LHFPL6: variants seen among roughly 807,000 people sequenced by gnomAD.
LHFPL6 encodes LHFPL tetraspan subfamily member 6.
In LHFPL6, 9 loss-of-function variants were observed where a neutral mutation model predicts 20.6. That is an observed-to-expected ratio of 0.44 (90% CI 0.26 to 0.76). LHFPL6 has a LOEUF of 0.76. LHFPL6 is among the 30% of genes least tolerant of loss of function. The pLI is 0.20. For synonymous variants in LHFPL6, 105 were observed against 98.7 expected, an observed-to-expected ratio of 1.06 and a Z score of -0.38; for missense variants, 218 against 253.5, an observed-to-expected ratio of 0.86 and a Z score of 0.95.
At chr13:39,359,419 C>A (rs1213044369) in intron 3 of LHFPL6, among the ~76,000 whole-genome samples, 1 of 152,096 alleles carries the variant, frequency 6.6e-6, no homozygotes, top group Non-Finnish European at 1.5e-5. Flanking sequence ...AAGGCATGTG[C>A]CCATCCATGG....
At chr13:39,363,396 C>G (rs530225570) in intron 3 of LHFPL6, among the ~76,000 whole-genome samples, 1 of 152,292 alleles carries the variant, frequency 6.6e-6, no homozygotes, top group South Asian at 2.1e-4. Flanking sequence ...GGAGAAGGAT[C>G]ATTTAGGTCA....
intron 2 of LHFPL6, among the ~76,000 whole-genome samples, chr13:39,402,002 G>A (rs1264320283): frequency 3.3e-5 from 5 of 152,054 alleles, no homozygotes; most frequent in Admixed American, 6.5e-5. Flanking sequence ...AACCACATGT[G>A]GATATTGAGC....
intron 2 of LHFPL6, among the ~76,000 whole-genome samples, chr13:39,448,291 T>A (rs907533875): frequency 1.3e-5 from 2 of 152,208 alleles, no homozygotes; most frequent in African/African-American, 4.8e-5. Context: ...TATCATAATA[T>A]AATATTCTGA....
At chr13:39,455,485 A>C (rs927877041) in intron 2 of LHFPL6, among the ~76,000 whole-genome samples, 1 of 152,208 alleles carries the variant, frequency 6.6e-6, no homozygotes, top group African/African-American at 2.4e-5. Flanking sequence ...TGAATACCAA[A>C]TCCCATCTTC....
intron 2 of LHFPL6, among the ~76,000 whole-genome samples, chr13:39,533,489 T>C (rs1414706580): frequency 3.3e-5 from 5 of 152,144 alleles, no homozygotes; most frequent in Non-Finnish European, 5.9e-5. Context: ...CCACATCGCT[T>C]TCACCCAAAC....
intron 2 of LHFPL6, among the ~76,000 whole-genome samples, chr13:39,398,846 A>T (rs1870910048): frequency 6.6e-6 from 1 of 152,124 alleles, no homozygotes; most frequent in Non-Finnish European, 1.5e-5. Flanking sequence ...TACGTTGTGC[A>T]CTCCTTATGA....
At chr13:39,558,108 A>G (rs769325608) in intron 2 of LHFPL6, among the ~76,000 whole-genome samples, 3 of 152,218 alleles carry the variant, frequency 2.0e-5, no homozygotes, top group Non-Finnish European at 2.9e-5. Context: ...TTCTTAATGT[A>G]ATGCAAGAGC....
At chr13:39,562,391 T>TATATACATATATAC (rs1566141922) in intron 2 of LHFPL6, among the ~76,000 whole-genome samples, 1 of 42,998 alleles carries the variant, frequency 2.3e-5, no homozygotes, top group African/African-American at 7.1e-5. Context: ...TACATATACA[T>TATATACATATATAC]ATATATACAT....
intron 2 of LHFPL6, among the ~76,000 whole-genome samples, chr13:39,507,937 C>A (rs1306917934): frequency 7.2e-6 from 1 of 138,072 alleles, no homozygotes; most frequent in African/African-American, 2.6e-5. Flanking sequence ...CCTCCCATTT[C>A]TTTCTCTTTT....
At chr13:39,375,488 C>T (rs955859368) in intron 3 of LHFPL6, among the ~76,000 whole-genome samples, 5 of 151,982 alleles carry the variant, frequency 3.3e-5, no homozygotes, top group Admixed American at 2.6e-4. Context: ...GTCAGGGGTT[C>T]GAGACTAGCC....
At chr13:39,486,538 G>A (rs1868731870) in intron 2 of LHFPL6, among the ~76,000 whole-genome samples, 1 of 152,164 alleles carries the variant, frequency 6.6e-6, no homozygotes, top group Non-Finnish European at 1.5e-5. Flanking sequence ...TCACCAATGG[G>A]AGCAGACACA....
chr13:39,534,143 A>C (rs529364718), intron 2 of LHFPL6, among the ~76,000 whole-genome samples: 17 of 152,278 alleles, frequency 1.1e-4, no homozygotes, highest in African/African-American at 4.1e-4. Flanking sequence ...CATGAAACTA[A>C]CCTTGAGGCA....
intron 2 of LHFPL6, among the ~76,000 whole-genome samples, chr13:39,530,710 CT>C (rs376065201): frequency 7.9e-5 from 12 of 152,078 alleles, no homozygotes; most frequent in African/African-American, 2.2e-4. Context: ...TACATTATCA[CT>C]TTTTTTCTTT....
At chr13:39,358,956 A>G (rs2181760) in intron 3 of LHFPL6, among the ~76,000 whole-genome samples, 92,720 of 151,980 alleles carry the variant, frequency 0.61, 29,063 homozygotes, top group East Asian at 0.7. Flanking sequence ...GTGGATCACA[A>G]GGTCAGGAGT....
chr13:39,571,655 G>A lies in LHFPL6; in HGVS notation c.385+29177C>T, dbSNP rs145670790. ...GGGTATCCAGTAAGGCTGTCACACC[G>A]GCCCTTTGCCCTTGACGGCGGAGGG... On this transcript the variant is annotated intron_variant, in intron 2 of 3. Transcript: ENST00000379589. 7.4e-3 allele frequency among the ~76,000 whole-genome samples: 1,127 copies of A among 152,344 alleles called. 6 individuals are homozygous for A. The highest frequency in any genetic ancestry group is 0.013 in the Non-Finnish European group (864 of 68,032).
At chr13:39,355,266 A>T (rs1466529266) in intron 3 of LHFPL6, among the ~76,000 whole-genome samples, 3 of 152,032 alleles carry the variant, frequency 2.0e-5, no homozygotes, top group Non-Finnish European at 4.4e-5. Flanking sequence ...AACAAATTCC[A>T]ACCAAGAATT....
intron 2 of LHFPL6, among the ~76,000 whole-genome samples, chr13:39,471,940 T>C (rs1872958838): frequency 6.6e-6 from 1 of 152,254 alleles, no homozygotes; most frequent in Non-Finnish European, 1.5e-5. Flanking sequence ...ATTCTTATCC[T>C]GTCTCCAGAA....
rs77665692 is a variant in LHFPL6, at chr13:39,501,233, T to C, written c.385+99599A>G. On this transcript the variant is annotated intron_variant, in intron 2 of 3. Coordinates refer to ENST00000379589, the MANE Select transcript of LHFPL6 (RefSeq NM_005780.3). ...CTGGACTAGTAAGCAGGCCTTTTGA[T>C]TCCCAGTCCAGGGTTCTTTGAACTC... 4.9e-3 allele frequency among the ~76,000 whole-genome samples: 748 copies of C among 152,288 alleles called. 5 individuals are homozygous for C. The highest frequency in any genetic ancestry group is 0.017 in the African/African-American group (698 of 41,548).
chr13:39,559,478 G>A lies in LHFPL6; in HGVS notation c.385+41354C>T, dbSNP rs145220880. On this transcript the variant is annotated intron_variant, in intron 2 of 3. Coordinates refer to ENST00000379589, the MANE Select transcript of LHFPL6 (RefSeq NM_005780.3). ...TTGACTAATTAACAAGGACACTGCA[G>A]ATCCCCAGAGTGATGACGCGGAGCT... is the stretch of plus-strand genomic sequence containing the variant. 5.0e-3 allele frequency among the ~76,000 whole-genome samples: 765 copies of A among 152,328 alleles called. 5 individuals carry two copies. The highest frequency in any genetic ancestry group is 0.014 in the Admixed American group (212 of 15,304).
Sources: allele counts gnomAD v4.1 joint callset (sites outside exome capture counted in the v4.1 genomes callset), GRCh38; gene constraint gnomAD v4.1.1; transcripts MANE v1.5; gene names NCBI Gene and HGNC (gene_info 2026-07-23, HGNC 2026-07-21).